The following GIGYF2 variants were observed in gnomAD, a reference collection of about 807,000 sequenced individuals.
GIGYF2 encodes GRB10-interacting GYF protein 2.
Under a neutral mutation model 208.1 loss-of-function variants are expected in GIGYF2, and 25 were observed. The ratio of observed to expected loss-of-function variants is 0.12; its 90% CI spans 0.09 to 0.17. The LOEUF is 0.17. GIGYF2 is among the 10% of genes least tolerant of loss of function. GIGYF2 has a pLI of 1.00. For synonymous variants in GIGYF2, 534 were observed against 543.8 expected (o/e 0.98, Z 0.25); for missense variants, 1,302 against 1,579.4 (o/e 0.82, Z 2.98).
chr2:232,858,325 C>A lies in GIGYF2; in HGVS notation c.*1465C>A, dbSNP rs1690647803. The A allele has an allele frequency of 5.2e-6, 2 of 382,578 alleles. No individual in the cohort carries two copies. Among genetic ancestry groups the A allele is most frequent in the South Asian group, 1.9e-5 (1 of 52,104 alleles). 23.7% of individuals were successfully genotyped at this position (382,578 alleles called of 1,614,324 possible). A position where few individuals can be genotyped will look rare whatever the true frequency, so the allele number is the denominator to read the frequency against. On this transcript the variant is annotated 3_prime_UTR_variant, in exon 29 of 29. Coordinates refer to ENST00000373563, the MANE Select transcript of GIGYF2 (RefSeq NM_001103146.3). ...GGGTTTGGAGTATTATATTTGGCTTCTATTTTTATTATTTTGGATCACCAT... is the reference window on the plus strand; with the variant it reads ...GGGTTTGGAGTATTATATTTGGCTTATATTTTTATTATTTTGGATCACCAT...
intron 8 of GIGYF2, among the ~76,000 whole-genome samples, chr2:232,769,281 G>A (rs1003341328): frequency 2.6e-5 from 4 of 152,048 alleles, no homozygotes; most frequent in African/African-American, 7.2e-5. Flanking sequence ...CTGTAATCCC[G>A]GCACTTTGGG....
At chr2:232,834,431 A>G (rs1423474669) in intron 22 of GIGYF2, among the ~76,000 whole-genome samples, 1 of 152,202 alleles carries the variant, frequency 6.6e-6, no homozygotes, top group Non-Finnish European at 1.5e-5. Context: ...ACCACTGTCC[A>G]TCTGGGAAGT....
chr2:232,791,957 A>G (rs1700081034), intron 12 of GIGYF2, among the ~76,000 whole-genome samples: 1 of 152,228 alleles, frequency 6.6e-6, no homozygotes, highest in African/African-American at 2.4e-5. Flanking sequence ...ATTAGGCAAT[A>G]TTAATGCTCA....
At chr2:232,766,773 CACCTGCTTG>C (rs767801289) in intron 8 of GIGYF2, 7 of 152,228 alleles carry the variant, frequency 4.6e-5, no homozygotes, top group Non-Finnish European at 1.0e-4. Context: ...CTGCTCTTCA[CACCTGCTTG>C]CCTTTACTCA....
Position 232,787,333 on chromosome 2 carries a change from A to G in GIGYF2, c.712+4A>G. 3 of 1,613,188 alleles carry G rather than the reference A, an allele frequency of 1.9e-6. No homozygotes were observed. Among genetic ancestry groups the G allele is most frequent in the Non-Finnish European group, 2.5e-6 (3 of 1,179,212 alleles). On this transcript the variant is annotated splice_donor_region_variant and intron_variant, in intron 9 of 28. Coordinates refer to ENST00000373563, the MANE Select transcript of GIGYF2 (RefSeq NM_001103146.3). ...AGGTGGCGACCTCACAGTCCTGGTAAGAATTCTGTTGAGTAAAGGCACACA... is the reference window on the plus strand; with the variant it reads ...AGGTGGCGACCTCACAGTCCTGGTAGGAATTCTGTTGAGTAAAGGCACACA...
At chr2:232,836,433 ATGTGTGCC>A (rs1181983859) in intron 22 of GIGYF2, among the ~76,000 whole-genome samples, 1 of 111,826 alleles carries the variant, frequency 8.9e-6, no homozygotes, top group Non-Finnish European at 1.8e-5. Flanking sequence ...AGGCGTGGTG[ATGTGTGCC>A]TGTGGTCCTA....
Position 232,837,262 on chromosome 2 carries a change from A to AG in GIGYF2, c.2767-2583dup, listed in dbSNP as rs556371046. On this transcript the variant is annotated intron_variant, in intron 22 of 28. Transcript: ENST00000373563. ...AAGAAAGCCTGCTGACTGATGGCTG[A>AG]GGGGAGAAGGGAAGCCGTGTCTTGA... Among the ~76,000 whole-genome samples, 129 of 152,270 alleles carry AG rather than the reference A, an allele frequency of 8.5e-4. 2 individuals carry two copies. The East Asian group carries it at 0.024, about 28-fold the overall frequency.
chr2:232,762,757 G>A (rs913328984), intron 8 of GIGYF2, among the ~76,000 whole-genome samples: 1 of 152,030 alleles, frequency 6.6e-6, no homozygotes. Flanking sequence ...AATGAAAACC[G>A]TTAAGGCCAG....
At chr2:232,802,532 T>C (rs1308548334) in intron 14 of GIGYF2, among the ~76,000 whole-genome samples, 1 of 152,204 alleles carries the variant, frequency 6.6e-6, no homozygotes, top group Non-Finnish European at 1.5e-5. Flanking sequence ...TATATTACAT[T>C]GATCAATTTT....
intron 21 of GIGYF2, among the ~76,000 whole-genome samples, chr2:232,829,582 C>CA (rs1159646999): frequency 6.6e-6 from 1 of 152,162 alleles, no homozygotes. Context: ...TTCCAGCTTC[C>CA]AGCTGCACCT....
intron 8 of GIGYF2, among the ~76,000 whole-genome samples, chr2:232,769,405 C>G (rs1407875256): frequency 6.6e-6 from 1 of 151,444 alleles, no homozygotes; most frequent in African/African-American, 2.4e-5. Context: ...GTGGCACATG[C>G]CTGTAATCCC....
chr2:232,844,332 GA>G (rs1332414789), intron 24 of GIGYF2, 36 bp from the exon 25 acceptor site: 2 of 1,611,558 alleles, frequency 1.2e-6, no homozygotes, highest in Non-Finnish European at 1.7e-6. Context: ...TTTTTAACAT[GA>G]TTCACGATAA....
chr2:232,826,672 T>G (rs1336083905), intron 21 of GIGYF2, among the ~76,000 whole-genome samples: 1 of 152,128 alleles, frequency 6.6e-6, no homozygotes, highest in Non-Finnish European at 1.5e-5. Flanking sequence ...TGCAAAGAAC[T>G]TAAACAAATT....
At chr2:232,830,214 C>T (rs1433091638) in intron 21 of GIGYF2, among the ~76,000 whole-genome samples, 1 of 152,162 alleles carries the variant, frequency 6.6e-6, no homozygotes, top group Non-Finnish European at 1.5e-5. Context: ...AATTCCTGAC[C>T]TCATGTGATC....
intron 2 of GIGYF2, among the ~76,000 whole-genome samples, chr2:232,719,602 T>G (rs114131196): frequency 6.6e-6 from 1 of 151,960 alleles, no homozygotes; most frequent in Non-Finnish European, 1.5e-5. Flanking sequence ...AAAGAGGAGA[T>G]GAATAGTTAA....
chr2:232,707,421 TAA>T (rs1299302834), intron 2 of GIGYF2, among the ~76,000 whole-genome samples: 21 of 152,314 alleles, frequency 1.4e-4, no homozygotes, highest in African/African-American at 5.1e-4. Context: ...TTCTACTTGA[TAA>T]ATCATGGCTT....
At chr2:232,754,289 A>G (rs909360668) in intron 5 of GIGYF2, among the ~76,000 whole-genome samples, 3 of 152,018 alleles carry the variant, frequency 2.0e-5, no homozygotes, top group African/African-American at 7.2e-5. Context: ...GATGGCTTCC[A>G]TATTTTTGCT....
rs886043769 is a variant in GIGYF2, at chr2:232,768,716, A to G, written c.532+7280A>G. ...GGGTGTTGGCCACTTGGAAGATAAG[A>G]TTAGGTTTGCCATCCATGTGAGCTA... On this transcript the variant is annotated intron_variant, in intron 8 of 28. Coordinates refer to ENST00000373563, the MANE Select transcript of GIGYF2 (RefSeq NM_001103146.3). 1.9e-6 allele frequency: 3 copies of G among 1,602,952 alleles called. No homozygotes were observed. Among genetic ancestry groups the G allele is most frequent in the Non-Finnish European group, 2.6e-6 (3 of 1,171,374 alleles).
chr2:232,832,800 A>AT, intron 21 of GIGYF2, 57 bp from the exon 22 acceptor site: 1 of 1,324,248 alleles, frequency 7.6e-7, no homozygotes, highest in South Asian at 1.3e-5. Context: ...AGTGAGTCAG[A>AT]TTTTTCCCCC....
Sources: gnomAD v4.1 joint callset for allele counts (sites outside exome capture counted in the v4.1 genomes callset) on GRCh38, gnomAD v4.1.1 for gene constraint, MANE v1.5 for transcripts, NCBI Gene and HGNC (gene_info 2026-07-23, HGNC 2026-07-21) for gene names.